Variants in TSHZ2 observed in about 807,000 individuals in gnomAD.
TSHZ2 encodes teashirt homolog 2.
Under a neutral mutation model 74.4 loss-of-function variants are expected in TSHZ2, and 21 were observed. The observed-to-expected ratio is 0.28, with a 90% CI of 0.20 to 0.41. The LOEUF (loss-of-function observed/expected upper bound fraction) is 0.41. Ranked by LOEUF, TSHZ2 falls within the 10% of genes least tolerant of loss-of-function variation. The pLI is 1.00. For synonymous variants in TSHZ2, 540 were observed against 515.3 expected, an observed-to-expected ratio of 1.05 and a Z score of -0.65; for missense variants, 1,244 against 1,293.5, an observed-to-expected ratio of 0.96 and a Z score of 0.59.
At chr20:53,436,542 A>ATTTTTTTTTT (rs1227006046) in intron 2 of TSHZ2, among the ~76,000 whole-genome samples, 2 of 98,888 alleles carry the variant, frequency 2.0e-5, no homozygotes, top group South Asian at 3.8e-4. Flanking sequence ...TATTATTATT[A>ATTTTTTTTTT]TTATTATTTT....
intron 2 of TSHZ2, among the ~76,000 whole-genome samples, chr20:53,485,857 T>C (rs1986278314): frequency 6.6e-6 from 1 of 152,248 alleles, no homozygotes; most frequent in African/African-American, 2.4e-5. Flanking sequence ...TCATACATTA[T>C]GTATATGTAT....
intron 2 of TSHZ2, among the ~76,000 whole-genome samples, chr20:53,485,658 C>T (rs6091686): frequency 1.3e-5 from 2 of 151,432 alleles, no homozygotes; most frequent in African/African-American, 4.8e-5. Context: ...GTAATGAACC[C>T]ACATCGTGCC....
chr20:53,272,803 C>T (rs1568846446), intron 2 of TSHZ2, among the ~76,000 whole-genome samples: 2 of 152,312 alleles, frequency 1.3e-5, no homozygotes, highest in East Asian at 3.9e-4. Flanking sequence ...GTGCCAGGCT[C>T]TGTTCTGAGT....
In TSHZ2 at chr20:53,010,216, G is replaced by C. The variant is rs559414564; in HGVS notation, c.40+36883G>C. Among the ~76,000 whole-genome samples, 4 of 152,264 alleles carry C rather than the reference G, an allele frequency of 2.6e-5. No homozygotes were observed. The East Asian group carries it at 5.8e-4, about 22-fold the overall frequency. On this transcript the variant is annotated intron_variant, in intron 1 of 2. Coordinates refer to ENST00000371497, the MANE Select transcript of TSHZ2 (RefSeq NM_173485.6). ...ATCTGGATTCCTAACTGGAACCCTG[G>C]AGGATGGTTACACACGTCGAAGTTT... is the stretch of plus-strand genomic sequence containing the variant.
chr20:53,362,696 A>G lies in TSHZ2; in HGVS notation c.*8+106125A>G, dbSNP rs1046321052. On this transcript the variant is annotated intron_variant, in intron 2 of 2. Coordinates refer to ENST00000371497, the MANE Select transcript of TSHZ2 (RefSeq NM_173485.6). ...TGTCACATTCAGTGTTTCTATGTAT[A>G]ATGGTAAGAATCTGATTGCTTTACC... Among the ~76,000 whole-genome samples the G allele has an allele frequency of 2.0e-5, 3 of 152,194 alleles. No homozygotes were observed. The East Asian group carries it at 5.8e-4, about 29-fold the overall frequency.
chr20:53,209,593 C>A (rs1430301814), intron 1 of TSHZ2, among the ~76,000 whole-genome samples: 2 of 152,162 alleles, frequency 1.3e-5, no homozygotes, highest in Non-Finnish European at 2.9e-5. Context: ...TGACAGGTGG[C>A]CCTACCCTGC....
At chr20:53,309,798 C>T (rs570598144) in intron 2 of TSHZ2, among the ~76,000 whole-genome samples, 4 of 152,278 alleles carry the variant, frequency 2.6e-5, no homozygotes, top group African/African-American at 9.6e-5. Context: ...AGAGTAGGAA[C>T]CCTTCTGACT....
At chr20:53,120,705 T>C (rs900532661) in intron 1 of TSHZ2, among the ~76,000 whole-genome samples, 3 of 152,188 alleles carry the variant, frequency 2.0e-5, no homozygotes, top group African/African-American at 4.8e-5. Flanking sequence ...TTACCTCTTA[T>C]AAAAAAATCC....
intron 1 of TSHZ2, among the ~76,000 whole-genome samples, chr20:53,191,321 T>C (rs1006420620): frequency 6.6e-6 from 1 of 152,194 alleles, no homozygotes; most frequent in African/African-American, 2.4e-5. Flanking sequence ...ATTTCTCTAC[T>C]CCATTCCATG....
intron 1 of TSHZ2, among the ~76,000 whole-genome samples, chr20:53,189,600 T>C (rs1988679905): frequency 6.6e-6 from 1 of 152,208 alleles, no homozygotes; most frequent in Admixed American, 6.5e-5. Flanking sequence ...CACATATTAG[T>C]ATCCTCATCC....
At chr20:53,422,584 C>A (rs957664714) in intron 2 of TSHZ2, among the ~76,000 whole-genome samples, 2 of 152,314 alleles carry the variant, frequency 1.3e-5, no homozygotes, top group African/African-American at 2.4e-5. Flanking sequence ...AACACCCCAA[C>A]CTTAATCAGC....
chr20:53,051,775 C>T (rs1205460523), intron 1 of TSHZ2, among the ~76,000 whole-genome samples: 1 of 152,140 alleles, frequency 6.6e-6, no homozygotes. Flanking sequence ...TCACACGAGT[C>T]TCCGTTTATG....
chr20:53,305,767 C>A (rs952525313), intron 2 of TSHZ2, among the ~76,000 whole-genome samples: 4 of 152,226 alleles, frequency 2.6e-5, no homozygotes, highest in African/African-American at 7.2e-5. Flanking sequence ...ATCATGAGGT[C>A]AGAATTTCGA....
At chr20:53,187,899 G>T (rs749130351) in intron 1 of TSHZ2, among the ~76,000 whole-genome samples, 1 of 152,070 alleles carries the variant, frequency 6.6e-6, no homozygotes, top group African/African-American at 2.4e-5. Context: ...CTCCAAAAGC[G>T]TGGCTCAGGC....
At chr20:53,282,407 A>G (rs911718545) in intron 2 of TSHZ2, among the ~76,000 whole-genome samples, 15 of 152,212 alleles carry the variant, frequency 9.9e-5, no homozygotes, top group Non-Finnish European at 1.8e-4. Flanking sequence ...GGGAACTGGC[A>G]TTGACTGAGT....
intron 2 of TSHZ2, among the ~76,000 whole-genome samples, chr20:53,411,332 C>T (rs1435175017): frequency 6.6e-6 from 1 of 152,116 alleles, no homozygotes; most frequent in African/African-American, 2.4e-5. Context: ...TGAGCACTTC[C>T]CTAAAATCTA....
At chr20:53,160,717 C>T (rs1987908896) in intron 1 of TSHZ2, among the ~76,000 whole-genome samples, 2 of 140,552 alleles carry the variant, frequency 1.4e-5, no homozygotes, top group South Asian at 4.3e-4. Context: ...TGCACTGCAG[C>T]CTGGGTGACA....
chr20:53,201,972 C>T (rs1989019883), intron 1 of TSHZ2, among the ~76,000 whole-genome samples: 2 of 152,218 alleles, frequency 1.3e-5, no homozygotes, highest in African/African-American at 4.8e-5. Flanking sequence ...ATTCCAAAGG[C>T]AGTACTGACA....
chr20:53,195,994 T>C (rs1165041612), intron 1 of TSHZ2, among the ~76,000 whole-genome samples: 1 of 152,080 alleles, frequency 6.6e-6, no homozygotes, highest in African/African-American at 2.4e-5. Context: ...GGATGGCTCG[T>C]TGGGAAGGCA....
Sources: allele counts gnomAD v4.1 joint callset (sites outside exome capture counted in the v4.1 genomes callset), GRCh38; gene constraint gnomAD v4.1.1; transcripts MANE v1.5; gene names NCBI Gene and HGNC (gene_info 2026-07-23, HGNC 2026-07-21).